ERG: variants seen among roughly 807,000 people sequenced by gnomAD.
ERG encodes transcriptional regulator ERG.
Under a neutral mutation model 55.3 loss-of-function variants are expected in ERG, and 9 were observed. The ratio of observed to expected loss-of-function variants is 0.16; its 90% CI spans 0.10 to 0.28. The LOEUF is 0.28. ERG is among the 10% of genes least tolerant of loss of function. The pLI is 1.00. For synonymous variants in ERG, 223 were observed against 237.3 expected (o/e 0.94, Z 0.55); for missense variants, 434 against 631.6 (o/e 0.69, Z 3.35).
intron 2 of ERG, among the ~76,000 whole-genome samples, chr21:38,527,993 A>G (rs1239824010): frequency 1.3e-5 from 2 of 152,198 alleles, no homozygotes; most frequent in African/African-American, 4.8e-5. Context: ...AAAGTCCAAG[A>G]TCAAGGTGTC....
chr21:38,410,770 C>A (rs184137224), intron 3 of ERG, among the ~76,000 whole-genome samples: 87 of 152,316 alleles, frequency 5.7e-4, no homozygotes, highest in Non-Finnish European at 1.0e-3. Flanking sequence ...CAAACATCTT[C>A]TTTCAGAGGC....
At chr21:38,647,049 C>T (rs1316856024) in intron 1 of ERG, among the ~76,000 whole-genome samples, 3 of 152,184 alleles carry the variant, frequency 2.0e-5, no homozygotes, top group South Asian at 4.1e-4. Context: ...TTTGTCCACT[C>T]ATAACTTTGA....
At chr21:38,447,235 A>C (rs1256116158) in intron 1 of ERG, among the ~76,000 whole-genome samples, 1 of 151,992 alleles carries the variant, frequency 6.6e-6, no homozygotes, top group Admixed American at 6.6e-5. Flanking sequence ...GAATCAAAAC[A>C]AACTCAAACC....
chr21:38,501,749 A>G (rs3787908), upstream of ERG, among the ~76,000 whole-genome samples: 2,689 of 152,304 alleles, frequency 0.018, 72 homozygotes, highest in East Asian at 0.12. Context: ...TGTGGACAGC[A>G]GAACCTATGA....
chr21:38,593,941 G>T (rs1601290834), intron 1 of ERG, among the ~76,000 whole-genome samples: 1 of 151,750 alleles, frequency 6.6e-6, no homozygotes, highest in South Asian at 2.1e-4. Context: ...AAATCAAGCA[G>T]CATTAAAAGC....
chr21:38,557,612 T>C (rs899030402), intron 2 of ERG, among the ~76,000 whole-genome samples: 3 of 152,198 alleles, frequency 2.0e-5, no homozygotes, highest in Admixed American at 2.0e-4. Context: ...TTTAACAATT[T>C]AGACGTCTTG....
intron 2 of ERG, among the ~76,000 whole-genome samples, chr21:38,508,065 A>G (rs1478103584): frequency 5.9e-4 from 16 of 27,230 alleles, no homozygotes; most frequent in South Asian, 1.2e-3. Flanking sequence ...ACACATATAC[A>G]CACATGCACA....
intron 2 of ERG, among the ~76,000 whole-genome samples, chr21:38,538,608 T>C (rs2059728735): frequency 6.6e-6 from 1 of 152,166 alleles, no homozygotes; most frequent in African/African-American, 2.4e-5. Context: ...CAGGGCTAAG[T>C]GGCTAAGGCA....
intron 3 of ERG, among the ~76,000 whole-genome samples, chr21:38,417,775 C>A (rs753972302): frequency 1.3e-5 from 2 of 151,458 alleles, no homozygotes; most frequent in Non-Finnish European, 2.9e-5. Context: ...GGCAACAGAG[C>A]GAGGCTCCAT....
At chr21:38,453,054 C>T (rs181888697) in intron 1 of ERG, among the ~76,000 whole-genome samples, 82 of 152,292 alleles carry the variant, frequency 5.4e-4, no homozygotes, top group South Asian at 1.0e-3. Flanking sequence ...AATGAAGAGA[C>T]GTGTTTTTGT....
At chr21:38,447,814 G>A in intron 1 of ERG, among the ~76,000 whole-genome samples, 1 of 152,006 alleles carries the variant, frequency 6.6e-6, no homozygotes, top group Admixed American at 6.6e-5. Flanking sequence ...ACTCGACCAA[G>A]GCTCGCAGGG....
rs147127919 is a variant in ERG at position 38,583,314 on chromosome 21, G to A, written c.-127+1530C>T. On this transcript the variant is annotated intron_variant, in intron 1 of 8. Transcript: ENST00000398897. The stretch of plus-strand genomic sequence containing the variant: ...AGAAACATAGGGCCCATGATTTAAG[G>A]AGGCTCTCCCTCTCAGGCTCATGCA... Among the ~76,000 whole-genome samples the A allele has an allele frequency of 7.9e-5, 12 of 152,316 alleles. No individual in the cohort carries two copies. The East Asian group carries it at 2.3e-3, about 29-fold the overall frequency.
At chr21:38,560,474 T>G (rs1297311496) in intron 2 of ERG, among the ~76,000 whole-genome samples, 2 of 152,110 alleles carry the variant, frequency 1.3e-5, no homozygotes, top group East Asian at 3.9e-4. Context: ...CAAGCTCTGC[T>G]CCAGACCTCC....
At chr21:38,660,902 C>G (rs1395107601) in intron 1 of ERG, among the ~76,000 whole-genome samples, 1 of 151,898 alleles carries the variant, frequency 6.6e-6, no homozygotes, top group East Asian at 2.0e-4. Flanking sequence ...TGTCCGTGCG[C>G]GCGCCCTCGG....
In ERG at chr21:38,460,751, C is replaced by T. The variant is rs2059034297; in HGVS notation, c.19-15130G>A. On this transcript the variant is annotated intron_variant, in intron 1 of 9. Transcript: ENST00000288319. This position sits in a 1 kb window ranked among gnomAD's most constrained non-coding sequence, Gnocchi z 5.0. ...GTGGCAACTGAAAGGAATAACGGCA[C>T]CAAAGTATTCCCCTGCCCTGAAATC... 6.6e-6 allele frequency among the ~76,000 whole-genome samples: 1 copy of T among 152,186 alleles called. No homozygotes were observed. The highest frequency in any genetic ancestry group is 1.5e-5 in the Non-Finnish European group (1 of 68,046).
At chr21:38,616,681 A>C (rs1269119074) in intron 1 of ERG, among the ~76,000 whole-genome samples, 1 of 152,172 alleles carries the variant, frequency 6.6e-6, no homozygotes, top group African/African-American at 2.4e-5. Context: ...ACTGACCATA[A>C]GTCTGCTCAG....
At chr21:38,376,696 A>G (rs372623907), downstream of ERG, among the ~76,000 whole-genome samples, 19 of 152,346 alleles carry the variant, frequency 1.2e-4, no homozygotes, top group African/African-American at 3.4e-4. Context: ...GCGGATGGAG[A>G]CAGAAAATCC....
chr21:38,588,911 T>C (rs1160705206), upstream of ERG, among the ~76,000 whole-genome samples: 2 of 151,932 alleles, frequency 1.3e-5, no homozygotes, highest in African/African-American at 4.8e-5. Flanking sequence ...AAAAAAATTT[T>C]GGAGACATGA....
At chr21:38,624,117 G>T (rs1329965730) in intron 1 of ERG, among the ~76,000 whole-genome samples, 4 of 152,116 alleles carry the variant, frequency 2.6e-5, no homozygotes, top group Admixed American at 2.6e-4. Flanking sequence ...TGACTTGGCA[G>T]CCCCCACTCC....
Sources: allele counts gnomAD v4.1 joint callset (sites outside exome capture counted in the v4.1 genomes callset), GRCh38; gene constraint gnomAD v4.1.1; non-coding constraint Gnocchi (gnomAD v3.1); transcripts MANE v1.5; gene names NCBI Gene and HGNC (gene_info 2026-07-23, HGNC 2026-07-21).